Variants in AKR1E2 observed in about 807,000 individuals in gnomAD.
AKR1E2 encodes the protein 1,5-anhydro-D-fructose reductase.
A neutral mutation model predicts 41.9 loss-of-function variants in AKR1E2; 43 were observed. The observed-to-expected ratio is 1.03, with a 90% confidence interval of 0.80 to 1.32. AKR1E2 has a LOEUF of 1.32. Among genes scored for constraint, AKR1E2 ranks in the 40% most tolerant of loss-of-function variants. The probability of loss-of-function intolerance (pLI) is 0.00; values close to 1 mark genes in which losing one functional copy is unlikely to be tolerated. For missense variants in AKR1E2, 423 were observed against 396.5 expected (o/e 1.07, Z -0.57); for synonymous variants, 121 against 138.9 (o/e 0.87, Z 0.91).
intron 8 of AKR1E2, among the ~76,000 whole-genome samples, chr10:4,844,057 G>A (rs1834099504): frequency 6.6e-6 from 1 of 152,220 alleles, no homozygotes; most frequent in Non-Finnish European, 1.5e-5. Flanking sequence ...CGGAATTGGT[G>A]GGTTCTTGGT....
intron 5 of AKR1E2, among the ~76,000 whole-genome samples, chr10:4,838,501 T>A (rs755255202): frequency 6.6e-6 from 1 of 152,246 alleles, no homozygotes; most frequent in Non-Finnish European, 1.5e-5. Flanking sequence ...CATCATGTTC[T>A]ATTTTTTTGA....
chr10:4,869,354 A>G, the AKR1E2 span, among the ~76,000 whole-genome samples: 1 of 152,100 alleles, frequency 6.6e-6, no homozygotes, highest in Non-Finnish European at 1.5e-5. Context: ...GTTTATTTCT[A>G]CAGGATCTAT....
downstream of AKR1E2, among the ~76,000 whole-genome samples, chr10:4,852,082 A>G (rs775779887): frequency 6.6e-6 from 1 of 152,214 alleles, no homozygotes; most frequent in Non-Finnish European, 1.5e-5. Context: ...AGAAGAGCTC[A>G]TTAAACCTGC....
At position 4,833,402 on chromosome 10, in the gene AKR1E2, G is replaced by A; in HGVS notation, c.260G>A (p.Ser87Asn). 2 of 1,614,204 alleles carry A rather than the reference G, an allele frequency of 1.2e-6. No homozygotes were observed. The highest frequency in any genetic ancestry group is 1.7e-6 in the Non-Finnish European group (2 of 1,180,038). ...KSLVETACRK[S>N]LKALKLNYLD... ...TTGGTGGAAACAGCATGCAGAAAGA[G>A]TCTCAAGGCCTTGAAGCTGAACTAT... Residue 87 changes from serine (S) to asparagine (N), a missense_variant, in exon 3 of 10, where the codon AGT becomes AAT. By Grantham distance (46) the Ser-to-Asn change is conservative. Transcript: ENST00000298375.
At chr10:4,865,929 G>A in the AKR1E2 span, among the ~76,000 whole-genome samples, 1 of 152,084 alleles carries the variant, frequency 6.6e-6, no homozygotes, top group East Asian at 1.9e-4. Flanking sequence ...TAAATTTTAT[G>A]TTGAAAACAA....
At chr10:4,867,718 A>G in the AKR1E2 span, among the ~76,000 whole-genome samples, 33,169 of 152,130 alleles carry the variant, frequency 0.22, 3,836 homozygotes, top group Middle Eastern at 0.33. Flanking sequence ...CACAGTTCTA[A>G]CATTGCTTTC....
chr10:4,829,642 T>C (rs1448895619), intron 1 of AKR1E2, among the ~76,000 whole-genome samples: 1 of 152,172 alleles, frequency 6.6e-6, no homozygotes, highest in Non-Finnish European at 1.5e-5. Flanking sequence ...ATTCAAGCTT[T>C]ATTCTTGGGT....
At chr10:4,862,323 G>T in the AKR1E2 span, among the ~76,000 whole-genome samples, 1 of 152,126 alleles carries the variant, frequency 6.6e-6, no homozygotes, top group African/African-American at 2.4e-5. Flanking sequence ...ATGCTGTTTT[G>T]GTTACTGTAG....
chr10:4,847,747 C>T lies in AKR1E2; in HGVS notation c.*217C>T, dbSNP rs1319557596. ...GGTTTCTCCAAGACAGCCTGTGTGG[C>T]CTCTACTCTGAACAAATACACTGAT... is the stretch of plus-strand genomic sequence containing the variant. On this transcript the variant is annotated 3_prime_UTR_variant, in exon 10 of 10. Transcript: ENST00000298375. 5.1e-6 allele frequency: 3 copies of T among 582,648 alleles called. No individual in the cohort carries two copies. The highest frequency in any genetic ancestry group is 8.4e-4 in the Middle Eastern group (2 of 2,392). The allele number at this position is 582,648 out of a possible 1,614,324, so 36.1% of individuals were successfully genotyped here.
downstream of AKR1E2, among the ~76,000 whole-genome samples, chr10:4,849,006 C>A (rs74111763): frequency 6.6e-6 from 1 of 152,166 alleles, no homozygotes; most frequent in Non-Finnish European, 1.5e-5. Flanking sequence ...ACCTCCCTGC[C>A]CAGCCTTCCA....
intron 5 of AKR1E2, among the ~76,000 whole-genome samples, chr10:4,837,889 C>A (rs1833564158): frequency 6.6e-6 from 1 of 152,200 alleles, no homozygotes; most frequent in South Asian, 2.1e-4. Context: ...TCACCCTTAT[C>A]CAGGAACATG....
At chr10:4,865,227 A>C in the AKR1E2 span, among the ~76,000 whole-genome samples, 38 of 152,306 alleles carry the variant, frequency 2.5e-4, no homozygotes, top group African/African-American at 8.9e-4. Context: ...CAAAAATAAT[A>C]CGTAAAACAG....
At chr10:4,828,621 A>T (rs1436523579) in intron 1 of AKR1E2, among the ~76,000 whole-genome samples, 1 of 152,208 alleles carries the variant, frequency 6.6e-6, no homozygotes, top group Non-Finnish European at 1.5e-5. Flanking sequence ...TTTTGATTGG[A>T]ACTACATTAA....
At chr10:4,856,306 C>T in the AKR1E2 span, among the ~76,000 whole-genome samples, 1 of 152,142 alleles carries the variant, frequency 6.6e-6, no homozygotes, top group Non-Finnish European at 1.5e-5. Flanking sequence ...TGTTTGTGAA[C>T]ATATTGGCTA....
intron 5 of AKR1E2, among the ~76,000 whole-genome samples, chr10:4,838,329 C>T (rs1177071400): frequency 2.6e-5 from 4 of 152,256 alleles, no homozygotes; most frequent in South Asian, 2.1e-4. Context: ...CCTCTGTGCT[C>T]GCCTCTTTCA....
intron 9 of AKR1E2, 116 bp from the exon 10 acceptor site, chr10:4,847,372 T>C: frequency 1.3e-6 from 2 of 1,532,394 alleles, no homozygotes; most frequent in Non-Finnish European, 1.8e-6. Flanking sequence ...GATGAGCCAC[T>C]GAATGAAGCT....
chr10:4,843,553 T>G (rs898874022), intron 8 of AKR1E2, among the ~76,000 whole-genome samples: 1 of 152,222 alleles, frequency 6.6e-6, no homozygotes, highest in Admixed American at 6.5e-5. Context: ...GAGCTGCCCA[T>G]GAGCTCCACA....
Position 4,847,130 on chromosome 10 carries a change from A to C in AKR1E2, c.838-18A>C, listed in dbSNP as rs778256002. The C allele has an allele frequency of 6.2e-7, 1 of 1,613,818 alleles. No individual in the cohort carries two copies. Among genetic ancestry groups the C allele is most frequent in the Admixed American group, 1.7e-5 (1 of 59,978 alleles). On this transcript the variant is annotated intron_variant, in intron 8 of 9. Transcript: ENST00000298375. ...GAATTAAACTAAGTTTTCTACAAAC[A>C]TTGTGTTTTGGTTCCAGGTGTTTGA...
chr10:4,839,002 G>A (rs2131540753), intron 5 of AKR1E2, among the ~76,000 whole-genome samples: 2 of 152,184 alleles, frequency 1.3e-5, no homozygotes, highest in East Asian at 3.9e-4. Flanking sequence ...TGATGAGCTT[G>A]GCATGTTCCT....
Sources: gnomAD v4.1 joint callset for allele counts (sites outside exome capture counted in the v4.1 genomes callset) on GRCh38, gnomAD v4.1.1 for gene constraint, MANE v1.5 for transcripts, NCBI Gene and HGNC (gene_info 2026-07-23, HGNC 2026-07-21) for gene names.